Variants in NPAS3 observed in about 807,000 individuals in gnomAD.
NPAS3 encodes the protein neuronal PAS domain-containing protein 3.
In NPAS3, 14 loss-of-function variants were observed where a neutral mutation model predicts 73.1. That is an observed-to-expected ratio of 0.19 (90% CI 0.13 to 0.30). The LOEUF is 0.30. Among genes scored for constraint, NPAS3 ranks in the 10% least tolerant of loss-of-function variants. NPAS3 has a pLI of 1.00. For missense variants in NPAS3, 1,096 were observed against 1,250.0 expected (o/e 0.88, Z 1.86); for synonymous variants, 620 against 541.5 (o/e 1.14, Z -2.01).
intron 4 of NPAS3, among the ~76,000 whole-genome samples, chr14:33,407,241 G>A (rs2047707579): frequency 6.6e-6 from 1 of 152,110 alleles, no homozygotes; most frequent in East Asian, 1.9e-4. Flanking sequence ...GAAGGCCATT[G>A]CAAAGACTCA....
intron 4 of NPAS3, among the ~76,000 whole-genome samples, chr14:33,498,514 A>G (rs551467312): frequency 2.6e-5 from 4 of 152,254 alleles, no homozygotes; most frequent in Non-Finnish European, 5.9e-5. Context: ...ATGCAGCCAT[A>G]AAAAGGATGA....
chr14:33,108,528 CT>C (rs2042791860), intron 2 of NPAS3, among the ~76,000 whole-genome samples: 1 of 152,094 alleles, frequency 6.6e-6, no homozygotes, highest in African/African-American at 2.4e-5. Context: ...TCCAAATGAA[CT>C]ATTGAATTAT....
rs1348031588 is a variant in NPAS3 at position 33,619,464 on chromosome 14, A to G, written c.559-56747A>G. ...TGAGATGATTAAAAAAAAAAATCCA[A>G]AGGGTACCTTGATTAGATGCACTTT... On this transcript the variant is annotated intron_variant, in intron 5 of 11. Coordinates refer to ENST00000356141, the Ensembl canonical transcript of NPAS3. Among the ~76,000 whole-genome samples, 62 of 152,146 alleles carry G rather than the reference A, an allele frequency of 4.1e-4. 2 individuals are homozygous for G. The highest frequency in any genetic ancestry group is 4.1e-3 in the Admixed American group (62 of 15,266).
At chr14:33,119,994 T>C (rs2043182972) in intron 2 of NPAS3, among the ~76,000 whole-genome samples, 1 of 148,662 alleles carries the variant, frequency 6.7e-6, no homozygotes. Flanking sequence ...GCTAGGAGCA[T>C]ATACTTTCAG....
chr14:33,287,686 C>A (rs1344337628), intron 3 of NPAS3, among the ~76,000 whole-genome samples: 1 of 152,074 alleles, frequency 6.6e-6, no homozygotes, highest in Admixed American at 6.5e-5. Flanking sequence ...ATCAGAATAC[C>A]CTTAATCTGG....
At chr14:33,721,089 A>T (rs528161295) in intron 6 of NPAS3, among the ~76,000 whole-genome samples, 4 of 152,208 alleles carry the variant, frequency 2.6e-5, no homozygotes, top group African/African-American at 7.2e-5. Context: ...TTGAACTTAC[A>T]TGCGTCTCCT....
intron 3 of NPAS3, among the ~76,000 whole-genome samples, chr14:33,282,608 G>A (rs1290755341): frequency 1.3e-5 from 2 of 152,198 alleles, no homozygotes; most frequent in African/African-American, 4.8e-5. Flanking sequence ...GCTGCTTCCA[G>A]TGAACTTGGC....
rs187027839 is a variant in NPAS3 at position 33,317,303 on chromosome 14, C to T, written c.386-49883C>T. Among the ~76,000 whole-genome samples, 16 of 152,156 alleles carry T rather than the reference C, an allele frequency of 1.1e-4. No individual in the cohort carries two copies. The East Asian group carries it at 2.9e-3, about 28-fold the overall frequency. On this transcript the variant is annotated intron_variant, in intron 3 of 11. Transcript: ENST00000356141. ...TATTAGGCACTATACTGAGTGCTTT[C>T]GTGGTACTGTTTTCTTCTAGTGATC...
intron 4 of NPAS3, among the ~76,000 whole-genome samples, chr14:33,511,384 G>A (rs969289437): frequency 5.3e-5 from 8 of 151,482 alleles, no homozygotes; most frequent in African/African-American, 9.7e-5. Flanking sequence ...GATCCCTTTC[G>A]GCAGGTTTCA....
In NPAS3 at chr14:33,355,013, G is replaced by A. The variant is rs183544112; in HGVS notation, c.386-12173G>A. 4.3e-3 allele frequency among the ~76,000 whole-genome samples: 658 copies of A among 152,242 alleles called. 3 individuals are homozygous for A. Among genetic ancestry groups the A allele is most frequent in the African/African-American group, 0.015 (613 of 41,556 alleles). ...TGCTCTAACTTTTCAGATGGATGCC[G>A]AATGCCGTGTGTGAACTGAGAACTC... On this transcript the variant is annotated intron_variant, in intron 3 of 11. Transcript: ENST00000356141.
chr14:33,772,947 G>A lies in NPAS3; in HGVS notation c.853-1390G>A, dbSNP rs562795773. On this transcript the variant is annotated intron_variant, in intron 7 of 11. Transcript: ENST00000356141. The stretch of plus-strand genomic sequence containing the variant: ...GGTGCTTCCAGATCCACAGCTGTGG[G>A]CGCCGACGTGAAGGGTGACAGGGAA... Among the ~76,000 whole-genome samples the A allele has an allele frequency of 3.9e-5, 6 of 152,256 alleles. No homozygotes were observed. The South Asian group carries it at 1.0e-3, about 26-fold the overall frequency.
At chr14:33,423,170 T>A (rs929340598) in intron 4 of NPAS3, among the ~76,000 whole-genome samples, 3 of 152,062 alleles carry the variant, frequency 2.0e-5, no homozygotes, top group Non-Finnish European at 4.4e-5. Context: ...TTGGGTTGTC[T>A]GAACAAGTCT....
intron 4 of NPAS3, among the ~76,000 whole-genome samples, chr14:33,397,979 A>G (rs576162153): frequency 6.6e-4 from 101 of 152,278 alleles, no homozygotes; most frequent in Non-Finnish European, 1.2e-3. Flanking sequence ...CATTTTACTA[A>G]GTTCAGCCAA....
chr14:33,127,447 C>T (rs1220232958), intron 2 of NPAS3, among the ~76,000 whole-genome samples: 3 of 152,062 alleles, frequency 2.0e-5, no homozygotes, highest in African/African-American at 7.2e-5. Flanking sequence ...TGTAGTGTTG[C>T]ATTTCCGGCA....
intron 1 of NPAS3, among the ~76,000 whole-genome samples, chr14:33,019,552 G>A (rs1403253968): frequency 1.3e-5 from 2 of 152,180 alleles, no homozygotes; most frequent in Non-Finnish European, 1.5e-5. Context: ...TTAAGGTTTA[G>A]ATAAAGGAAG....
intron 3 of NPAS3, among the ~76,000 whole-genome samples, chr14:33,259,015 A>G (rs1365971653): frequency 1.3e-5 from 2 of 152,134 alleles, no homozygotes; most frequent in Non-Finnish European, 2.9e-5. Flanking sequence ...AGGTTTCACC[A>G]TGTTAGCCAT....
intron 3 of NPAS3, among the ~76,000 whole-genome samples, chr14:33,266,935 C>A (rs1213745709): frequency 1.3e-5 from 2 of 152,140 alleles, no homozygotes; most frequent in East Asian, 1.9e-4. Flanking sequence ...TTAAAAAATT[C>A]TCTCTCATTT....
chr14:33,502,821 G>T (rs2052582275), intron 4 of NPAS3, among the ~76,000 whole-genome samples: 1 of 151,908 alleles, frequency 6.6e-6, no homozygotes, highest in Non-Finnish European at 1.5e-5. Flanking sequence ...CATAAAAGCT[G>T]CTTCTATTTC....
At chr14:33,093,675 T>C (rs1331778239) in intron 2 of NPAS3, among the ~76,000 whole-genome samples, 1 of 152,190 alleles carries the variant, frequency 6.6e-6, no homozygotes, top group Non-Finnish European at 1.5e-5. Context: ...CACACGTATG[T>C]TTATTGGGGC....
Sources: allele counts gnomAD v4.1 joint callset (sites outside exome capture counted in the v4.1 genomes callset), GRCh38; gene constraint gnomAD v4.1.1; transcripts MANE v1.5; gene names NCBI Gene and HGNC (gene_info 2026-07-23, HGNC 2026-07-21).